DPYSL5: variants seen among roughly 807,000 people sequenced by gnomAD.
The protein encoded by DPYSL5 is dihydropyrimidinase like 5, also known as dihydropyrimidinase-related protein 5.
DPYSL5 carries 9 observed loss-of-function variants against 58.4 expected under a neutral mutation model. The ratio of observed to expected loss-of-function variants is 0.15; its 90% confidence interval spans 0.09 to 0.27. The LOEUF (loss-of-function observed/expected upper bound fraction) is 0.27. DPYSL5 is among the 10% of genes least tolerant of loss of function. The probability of loss-of-function intolerance (pLI) is 1.00; values close to 1 mark genes in which losing one functional copy is unlikely to be tolerated. For synonymous variants in DPYSL5, 293 were observed against 301.9 expected, an observed-to-expected ratio of 0.97 and a Z score of 0.31; for missense variants, 499 against 770.6, an observed-to-expected ratio of 0.65 and a Z score of 4.17.
chr2:26,928,687 G>GTGTATATATATATATATATATATATA (rs143828804), intron 5 of DPYSL5, among the ~76,000 whole-genome samples: 15 of 60,704 alleles, frequency 2.5e-4, no homozygotes, highest in African/African-American at 8.3e-4. Flanking sequence ...AGGTGATAGA[G>GTGTATATATATATATATATATATATA]TATATATATA....
intron 2 of DPYSL5, among the ~76,000 whole-genome samples, chr2:26,916,766 G>A (rs1284810711): frequency 6.6e-6 from 1 of 152,172 alleles, no homozygotes; most frequent in Non-Finnish European, 1.5e-5. Context: ...TCCGCATCGA[G>A]GAATACTATC....
intron 1 of DPYSL5, among the ~76,000 whole-genome samples, chr2:26,864,080 C>CA (rs1475543014): frequency 1.3e-5 from 2 of 151,928 alleles, no homozygotes; most frequent in Non-Finnish European, 2.9e-5. Context: ...CTATCTCTTT[C>CA]AAAAAAATAC....
chr2:26,876,564 G>A (rs763261428), intron 1 of DPYSL5, among the ~76,000 whole-genome samples: 1 of 152,176 alleles, frequency 6.6e-6, no homozygotes, highest in Non-Finnish European at 1.5e-5. Flanking sequence ...CACCCAGGCT[G>A]GAGCGCAATG....
intron 1 of DPYSL5, 158 bp downstream of exon 1, chr2:26,848,412 T>A (rs72850573): frequency 6.6e-6 from 1 of 152,326 alleles, no homozygotes; most frequent in Admixed American, 6.5e-5. Flanking sequence ...GGTTTGGGGT[T>A]GGGAGGTGGC....
Position 26,859,352 on chromosome 2 carries a change from GT to G in DPYSL5, c.-5+11110del, listed in dbSNP as rs879534321. ...ATATGTTTTTGAGAATAGAGATTGT[GT>G]TTTTTTTTTTTCCAAATGTTTTTGG... On this transcript the variant is annotated intron_variant, in intron 1 of 12. Coordinates refer to ENST00000288699, the MANE Select transcript of DPYSL5 (RefSeq NM_020134.4). Among the ~76,000 whole-genome samples the G allele has an allele frequency of 2.1e-3, 294 of 143,250 alleles. 1 individual carries two copies. The highest frequency in any genetic ancestry group is 4.4e-3 in the South Asian group (20 of 4,544). The allele number at this position is 143,250 out of a possible 152,430, so 94.0% of individuals were successfully genotyped here.
At chr2:26,879,235 G>A (rs2148122869) in intron 1 of DPYSL5, among the ~76,000 whole-genome samples, 1 of 152,256 alleles carries the variant, frequency 6.6e-6, no homozygotes, top group East Asian at 1.9e-4. Context: ...CAATGGGTTT[G>A]GAGAAAGAGG....
intron 1 of DPYSL5, among the ~76,000 whole-genome samples, chr2:26,874,388 A>G (rs78825012): frequency 0.036 from 5,498 of 152,286 alleles, 135 homozygotes; most frequent in Non-Finnish European, 0.054. Context: ...GTTAGCATCT[A>G]TGATTAGGTC....
In DPYSL5 at chr2:26,927,561, T is replaced by C; in HGVS notation, c.600+129T>C. On this transcript the variant is annotated intron_variant, in intron 4 of 12. Coordinates refer to ENST00000288699, the MANE Select transcript of DPYSL5 (RefSeq NM_020134.4). This position sits in a 1 kb window ranked among gnomAD's most constrained non-coding sequence, Gnocchi z 4.3. ...AAATCAGTTGTTAAAGTGTGAGGTGTGGACACCCCAGCTGTCAGATCTTGG... is the reference window on the plus strand; with the variant it reads ...AAATCAGTTGTTAAAGTGTGAGGTGCGGACACCCCAGCTGTCAGATCTTGG... The C allele has an allele frequency of 1.7e-6, 2 of 1,151,806 alleles. No individual in the cohort carries two copies. The highest frequency in any genetic ancestry group is 2.4e-6 in the Non-Finnish European group (2 of 834,774). 71.3% of individuals were successfully genotyped at this position (1,151,806 alleles called of 1,614,324 possible).
rs1665696970 is a variant in DPYSL5, at chr2:26,849,661, C to T, written c.-5+1407C>T. ...GAGGCGGATCTCCCTTCGGGGAGAC[C>T]CGGAGAACAATAGCCGACCCTGGTG... On this transcript the variant is annotated intron_variant, in intron 1 of 12. Coordinates refer to ENST00000288699, the MANE Select transcript of DPYSL5 (RefSeq NM_020134.4). This position sits in a 1 kb window ranked among gnomAD's most constrained non-coding sequence, Gnocchi z 6.2. Among the ~76,000 whole-genome samples, 1 of 152,236 alleles carries T rather than the reference C, an allele frequency of 6.6e-6. No homozygotes were observed. The highest frequency in any genetic ancestry group is 1.9e-4 in the East Asian group (1 of 5,196).
intron 1 of DPYSL5, among the ~76,000 whole-genome samples, chr2:26,858,356 A>G (rs1665930653): frequency 6.6e-6 from 1 of 151,786 alleles, no homozygotes; most frequent in South Asian, 2.1e-4. Context: ...TAGTTTTAGT[A>G]AAGACGGAGT....
In DPYSL5 at chr2:26,944,511, G is replaced by A; in HGVS notation, c.1441-145G>A. On this transcript the variant is annotated intron_variant, in intron 11 of 12. Coordinates refer to ENST00000288699, the MANE Select transcript of DPYSL5 (RefSeq NM_020134.4). This position sits in a 1 kb window ranked among gnomAD's most constrained non-coding sequence, Gnocchi z 4.4. ...TCCAGCCCCTGGACTCAATGTTTAA[G>A]AAGCCTTGGTCACTTGCAGTGATTT... 5 of 881,190 alleles carry A rather than the reference G, an allele frequency of 5.7e-6. No homozygotes were observed. In the South Asian group the frequency reaches 8.8e-5, roughly 15 times the overall value. 54.6% of individuals were successfully genotyped at this position (881,190 alleles called of 1,614,324 possible). A position where few individuals can be genotyped will look rare whatever the true frequency, so the allele number is the denominator to read the frequency against.
At chr2:26,850,323 C>A (rs372842337) in intron 1 of DPYSL5, among the ~76,000 whole-genome samples, 1 of 152,218 alleles carries the variant, frequency 6.6e-6, no homozygotes, top group Admixed American at 6.5e-5. Context: ...AGCAGATGAA[C>A]CGAATGGAAG....
At chr2:26,899,886 C>T (rs1196822215) in intron 2 of DPYSL5, among the ~76,000 whole-genome samples, 2 of 152,174 alleles carry the variant, frequency 1.3e-5, no homozygotes, top group East Asian at 3.9e-4. Flanking sequence ...TGAGAATTCT[C>T]CCGGGCCCTG....
rs918333574 is a variant in DPYSL5 at position 26,905,557 on chromosome 2, T to C, written c.261+6797T>C. Among the ~76,000 whole-genome samples, 6 of 152,160 alleles carry C rather than the reference T, an allele frequency of 3.9e-5. No homozygotes were observed. The highest frequency in any genetic ancestry group is 5.9e-5 in the Non-Finnish European group (4 of 68,022). ...TCGGCCCTCACCTCCCAGCTCGTTT[T>C]CCATGCTCGTTCTTCCTGCTGCCCT... On this transcript the variant is annotated intron_variant, in intron 2 of 12. Transcript: ENST00000288699. This position sits in a 1 kb window ranked among gnomAD's most constrained non-coding sequence, Gnocchi z 4.0.
At chr2:26,945,453 C>T (rs1461193955) in intron 12 of DPYSL5, among the ~76,000 whole-genome samples, 1 of 152,072 alleles carries the variant, frequency 6.6e-6, no homozygotes, top group African/African-American at 2.4e-5. Flanking sequence ...TCTCTGGGTT[C>T]CTTGGGGGGT....
At position 26,877,255 on chromosome 2, in the gene DPYSL5, C is replaced by T. The variant is rs748728613; in HGVS notation, c.-4-21241C>T. Among the ~76,000 whole-genome samples, 1 of 152,146 alleles carries T rather than the reference C, an allele frequency of 6.6e-6. No individual in the cohort carries two copies. Among genetic ancestry groups the T allele is most frequent in the South Asian group, 2.1e-4 (1 of 4,830 alleles). On this transcript the variant is annotated intron_variant, in intron 1 of 12. Transcript: ENST00000288699. This position sits in a 1 kb window ranked among gnomAD's most constrained non-coding sequence, Gnocchi z 4.1. ...TGCTGGGATTACAGGCATGAGCCAC[C>T]GCGCCTGGCCCATAGCCACTTTATT...
chr2:26,881,602 G>A (rs1001035233), intron 1 of DPYSL5, among the ~76,000 whole-genome samples: 20 of 152,318 alleles, frequency 1.3e-4, no homozygotes, highest in Middle Eastern at 6.8e-3. Context: ...GCAGGCACAG[G>A]AGGAAGGCTG....
intron 5 of DPYSL5, among the ~76,000 whole-genome samples, chr2:26,928,540 CA>C (rs1220380448): frequency 2.0e-5 from 3 of 149,684 alleles, no homozygotes; most frequent in African/African-American, 4.9e-5. Flanking sequence ...ACTAAAAATA[CA>C]AAAAAAATTA....
chr2:26,927,519 C>A lies in DPYSL5; in HGVS notation c.600+87C>A, dbSNP rs1664858434. 2.7e-6 allele frequency: 4 copies of A among 1,490,008 alleles called. No individual in the cohort carries two copies. Among genetic ancestry groups the A allele is most frequent in the Non-Finnish European group, 3.6e-6 (4 of 1,102,510 alleles). 92.3% of individuals were successfully genotyped at this position (1,490,008 alleles called of 1,614,324 possible). On this transcript the variant is annotated intron_variant, in intron 4 of 12. Coordinates refer to ENST00000288699, the MANE Select transcript of DPYSL5 (RefSeq NM_020134.4). This position sits in a 1 kb window ranked among gnomAD's most constrained non-coding sequence, Gnocchi z 4.3. The stretch of plus-strand genomic sequence containing the variant: ...GGATTCCTGACCACCCGTCACTGAT[C>A]CCACAGGATTCAGACAAAATCAGTT...
Sources: gnomAD v4.1 joint callset for allele counts (sites outside exome capture counted in the v4.1 genomes callset) on GRCh38, gnomAD v4.1.1 for gene constraint, Gnocchi (gnomAD v3.1) non-coding constraint, MANE v1.5 for transcripts, NCBI Gene and HGNC (gene_info 2026-07-23, HGNC 2026-07-21) for gene names.